Variants in PLEKHN1 observed in about 807,000 individuals in gnomAD.
The protein encoded by PLEKHN1 is pleckstrin homology domain containing N1, also known as pleckstrin homology domain-containing family N member 1.
A neutral mutation model predicts 72.8 loss-of-function variants in PLEKHN1; 68 were observed. The observed-to-expected ratio is 0.93, with a 90% CI of 0.77 to 1.14. PLEKHN1 has a LOEUF of 1.14. Ranked by LOEUF, PLEKHN1 falls within the 50% of genes most tolerant of loss-of-function variation. The pLI, the probability that PLEKHN1 is intolerant of heterozygous loss-of-function variation, is 0.00. For synonymous variants in PLEKHN1, 454 were observed against 371.6 expected, an observed-to-expected ratio of 1.22 and a Z score of -2.55; for missense variants, 1,015 against 840.5, an observed-to-expected ratio of 1.21 and a Z score of -2.57.
chr1:970,456 G>T lies in PLEKHN1; in HGVS notation c.330+33G>T. 1 of 1,613,098 alleles carries T rather than the reference G, an allele frequency of 6.2e-7. No homozygotes were observed. The highest frequency in any genetic ancestry group is 8.5e-7 in the Non-Finnish European group (1 of 1,179,930). On this transcript the variant is annotated intron_variant, in intron 3 of 15. Coordinates refer to ENST00000379410, the MANE Select transcript of PLEKHN1 (RefSeq NM_032129.3). This position sits in a 1 kb window ranked among gnomAD's most constrained non-coding sequence, Gnocchi z 4.2. ...CCGGGCTGGGTGGAGCACGCTAAGG[G>T]TGCAGCATCCCCATCAGCCTGGGGC...
intron 7 of PLEKHN1, 37 bp downstream of exon 7, chr1:971,245 A>AG: frequency 6.4e-6 from 10 of 1,558,338 alleles, no homozygotes; most frequent in Non-Finnish European, 8.7e-6. Context: ...GGGGGATGGG[A>AG]GGGGTGCATG....
chr1:970,230 TGGGGGGCCCAGGGGA>T lies in PLEKHN1; in HGVS notation c.184-44_184-30del. On this transcript the variant is annotated intron_variant, in intron 2 of 15. Coordinates refer to ENST00000379410, the MANE Select transcript of PLEKHN1 (RefSeq NM_032129.3). The surrounding 1 kb of genome is among the most constrained non-coding windows in gnomAD (Gnocchi z 4.2). ...GCTGTGTGGATGCGAGCGGAGGGGG[TGGGGGGCCCAGGGGA>T]GGCCCCCTCCCCTGAGCTCTACTCC... is the stretch of plus-strand genomic sequence containing the variant. 1 of 1,531,724 alleles carries T rather than the reference TGGGGGGCCCAGGGGA, an allele frequency of 6.5e-7. No homozygotes were observed. Among genetic ancestry groups the T allele is most frequent in the Non-Finnish European group, 8.8e-7 (1 of 1,137,438 alleles). The allele number at this position is 1,531,724 out of a possible 1,614,324, so 94.9% of individuals were successfully genotyped here. A position where few individuals can be genotyped will look rare whatever the true frequency, so the allele number is the denominator to read the frequency against.
rs750020649 is a variant in PLEKHN1 at position 973,976 on chromosome 1, G to A, written c.1578G>A (p.Leu526=). The change falls in exon 14 of 16, where the codon CTG becomes CTA. Residue 526 remains leucine, a synonymous_variant. Transcript: ENST00000379410. ...GPYLLSKKGA[L]QSRAAQRHRG... ...ACTTGCTCTCCAAGAAGGGAGCCCTGCAGTCCAGAGCCGCTCAGAGACACC... is the reference window on the plus strand; with the variant it reads ...ACTTGCTCTCCAAGAAGGGAGCCCTACAGTCCAGAGCCGCTCAGAGACACC... The A allele has an allele frequency of 4.0e-5, 64 of 1,608,718 alleles. No homozygotes were observed. Among genetic ancestry groups the A allele is most frequent in the Non-Finnish European group, 5.1e-5 (60 of 1,179,306 alleles).
intron 14 of PLEKHN1, 78 bp downstream of exon 14, chr1:974,129 TG>T (rs1194400793): frequency 2.0e-6 from 3 of 1,493,070 alleles, no homozygotes; most frequent in East Asian, 4.8e-5. Flanking sequence ...CTTGGGACTC[TG>T]AGGGAGCAGG....
At chr1:967,644 C>G (rs1269527963) in intron 2 of PLEKHN1, among the ~76,000 whole-genome samples, 1 of 152,200 alleles carries the variant, frequency 6.6e-6, no homozygotes, top group African/African-American at 2.4e-5. Context: ...GCCAACATGC[C>G]CCCGCCAGGC....
Position 971,212 on chromosome 1 carries a change from G to C in PLEKHN1, c.708+4G>C, listed in dbSNP as rs901954838. ...GCTGCAGCACCTGCCCGCACAGGTGGGTGGGAGGTGCGTGGGGCTGTAGGG... is the reference window on the plus strand; with the variant it reads ...GCTGCAGCACCTGCCCGCACAGGTGCGTGGGAGGTGCGTGGGGCTGTAGGG... On this transcript the variant is annotated splice_donor_region_variant and intron_variant, in intron 7 of 15. Transcript: ENST00000379410. 6.4e-7 allele frequency: 1 copy of C among 1,572,054 alleles called. No homozygotes were observed. Among genetic ancestry groups the C allele is most frequent in the African/African-American group, 1.3e-5 (1 of 74,224 alleles).
chr1:967,129 A>G (rs535954445), intron 2 of PLEKHN1, among the ~76,000 whole-genome samples: 142 of 152,276 alleles, frequency 9.3e-4, no homozygotes, highest in African/African-American at 3.3e-3. Context: ...TCGTGCCGGC[A>G]GGTAGTGTCA....
At chr1:973,108 G>A (rs1643424416) in intron 11 of PLEKHN1, 78 bp from the exon 12 acceptor site, 1 of 1,503,546 alleles carries the variant, frequency 6.7e-7, no homozygotes, top group Non-Finnish European at 8.9e-7. Context: ...CAGACTGGAG[G>A]GAGCCCCTTG....
chr1:970,498 T>G lies in PLEKHN1; in HGVS notation c.331-23T>G, dbSNP rs776106340. 2.5e-6 allele frequency: 4 copies of G among 1,613,082 alleles called. No homozygotes were observed. The highest frequency in any genetic ancestry group is 2.2e-5 in the East Asian group (1 of 44,866). On this transcript the variant is annotated intron_variant, in intron 3 of 15. Transcript: ENST00000379410. The surrounding 1 kb of genome is among the most constrained non-coding windows in gnomAD (Gnocchi z 4.2). ...GCCTGGGGCTCCCCAGACTCCGCAC[T>G]GACGACCCTGCTCCCCGCGCAGGAT... is the stretch of plus-strand genomic sequence containing the variant.
rs1419259850 is a variant in PLEKHN1 at position 971,148 on chromosome 1, C to G, written c.648C>G (p.His216Gln). The change falls in exon 7 of 16, where the codon CAC becomes CAG. Residue 216 changes from histidine to glutamine, a missense_variant. Physicochemically the swap from His to Gln is conservative, Grantham distance 24 (BLOSUM62 0). Transcript: ENST00000379410. ...RLTRLRTASG[H>Q]EPGGSAVCAS... is the part of the protein sequence containing the mutation. Reference sequence around the variant, plus strand: ...CCCGGCTGCGGACGGCGTCAGGGCACGAACCCGGCGGCAGTGCTGTCTGTG... The same window carrying G: ...CCCGGCTGCGGACGGCGTCAGGGCAGGAACCCGGCGGCAGTGCTGTCTGTG... The G allele has an allele frequency of 6.2e-7, 1 of 1,600,578 alleles. No individual in the cohort carries two copies. The highest frequency in any genetic ancestry group is 1.1e-5 in the South Asian group (1 of 88,846).
At position 973,346 on chromosome 1, in the gene PLEKHN1, A is replaced by G; in HGVS notation, c.1293+20A>G. 1 of 1,553,172 alleles carries G rather than the reference A, an allele frequency of 6.4e-7. No individual in the cohort carries two copies. Among genetic ancestry groups the G allele is most frequent in the Non-Finnish European group, 8.7e-7 (1 of 1,146,210 alleles). ...ACCCAGGTGGGCCCAGCACACCCAC[A>G]CAGCCCCTGGCCTGGTTCCCACCGT... On this transcript the variant is annotated intron_variant, in intron 12 of 15. Transcript: ENST00000379410.
At position 970,177 on chromosome 1, in the gene PLEKHN1, C is replaced by G; in HGVS notation, c.184-100C>G. ...TTCACATATGTGTTGTGTGGCTATG[C>G]ACAGGCAGACCATGCTATAGTCCTG... On this transcript the variant is annotated intron_variant, in intron 2 of 15. Coordinates refer to ENST00000379410, the MANE Select transcript of PLEKHN1 (RefSeq NM_032129.3). This position sits in a 1 kb window ranked among gnomAD's most constrained non-coding sequence, Gnocchi z 4.2. 1 of 1,348,816 alleles carries G rather than the reference C, an allele frequency of 7.4e-7. No homozygotes were observed. Among genetic ancestry groups the G allele is most frequent in the Non-Finnish European group, 1.0e-6 (1 of 983,232 alleles). The allele number at this position is 1,348,816 out of a possible 1,614,324, so 83.6% of individuals were successfully genotyped here. A position where few individuals can be genotyped will look rare whatever the true frequency, so the allele number is the denominator to read the frequency against.
At chr1:973,056 C>A in intron 11 of PLEKHN1, 46 bp downstream of exon 11, 1 of 1,566,470 alleles carries the variant, frequency 6.4e-7, no homozygotes. Context: ...AGAAGGCTGT[C>A]GGGTAGGTGT....
chr1:970,621 G>T lies in PLEKHN1; in HGVS notation c.411+20G>T. 6.2e-7 allele frequency: 1 copy of T among 1,610,250 alleles called. No homozygotes were observed. Among genetic ancestry groups the T allele is most frequent in the South Asian group, 1.1e-5 (1 of 90,750 alleles). ...TTTCAGGTGAGGCGGTGGGCAATGGGGTGGGGCCATGGCCGCCCTTCCCTC... is the reference window on the plus strand; with the variant it reads ...TTTCAGGTGAGGCGGTGGGCAATGGTGTGGGGCCATGGCCGCCCTTCCCTC... On this transcript the variant is annotated intron_variant, in intron 4 of 15. Coordinates refer to ENST00000379410, the MANE Select transcript of PLEKHN1 (RefSeq NM_032129.3). The surrounding 1 kb of genome is among the most constrained non-coding windows in gnomAD (Gnocchi z 4.2).
In PLEKHN1 at chr1:970,288, C is replaced by T. The variant is rs979895425; in HGVS notation, c.195C>T (p.Asp65=). ...FHYIPGTDIL[D]LENQRENLEQ... ...TCTACTCCTCCTAGGACATCCTGGA[C>T]CTGGAGAACCAGCGAGAAAACCTGG... The change falls in exon 3 of 16, where the codon GAC becomes GAT. Residue 65 remains aspartate (D), a synonymous_variant. Transcript: ENST00000379410. This position sits in a 1 kb window ranked among gnomAD's most constrained non-coding sequence, Gnocchi z 4.2. The T allele has an allele frequency of 3.1e-6, 5 of 1,612,962 alleles. No individual in the cohort carries two copies. The African/African-American group carries it at 6.7e-5, about 22-fold the overall frequency.
intron 2 of PLEKHN1, among the ~76,000 whole-genome samples, chr1:969,777 G>A (rs1012019408): frequency 4.0e-5 from 6 of 151,342 alleles, no homozygotes. Context: ...GTATGCATGT[G>A]TGCGTGTATG....
At position 974,076 on chromosome 1, in the gene PLEKHN1, G is replaced by A. The variant is rs1390166630; in HGVS notation, c.1653+25G>A. 4.5e-6 allele frequency: 7 copies of A among 1,554,202 alleles called. No homozygotes were observed. In the Admixed American group the frequency reaches 5.7e-5, roughly 13 times the overall value. ...TGTGAGTAGCAGCCCCCACGCCCGTGTGCCCCGGGCTCCGGGCTGGCCGGG... is the reference window on the plus strand; with the variant it reads ...TGTGAGTAGCAGCCCCCACGCCCGTATGCCCCGGGCTCCGGGCTGGCCGGG... On this transcript the variant is annotated intron_variant, in intron 14 of 15. Transcript: ENST00000379410.
At chr1:972,237 G>A in intron 9 of PLEKHN1, 51 bp from the exon 10 acceptor site, 2 of 1,600,674 alleles carry the variant, frequency 1.2e-6, no homozygotes, top group South Asian at 1.1e-5. Flanking sequence ...TTTAGTGGGG[G>A]CGCTGAGGGG....
chr1:966,668 G>C, intron 1 of PLEKHN1, 36 bp from the exon 2 acceptor site: 1 of 1,583,232 alleles, frequency 6.3e-7, no homozygotes, highest in South Asian at 1.1e-5. Flanking sequence ...CACCCGCTCC[G>C]GGGCCAAGCC....
Sources: gnomAD v4.1 joint callset for allele counts (sites outside exome capture counted in the v4.1 genomes callset) on GRCh38, gnomAD v4.1.1 for gene constraint, Gnocchi (gnomAD v3.1) non-coding constraint, MANE v1.5 for transcripts, NCBI Gene and HGNC (gene_info 2026-07-23, HGNC 2026-07-21) for gene names.